FYN: variants seen among roughly 807,000 people sequenced by gnomAD.
The protein encoded by FYN is tyrosine-protein kinase Fyn.
In FYN, 10 loss-of-function variants were observed where a neutral mutation model predicts 70.2. That is an observed-to-expected ratio of 0.14 (90% confidence interval 0.09 to 0.24). The LOEUF (loss-of-function observed/expected upper bound fraction) is 0.24. FYN is among the 10% of genes least tolerant of loss of function. The pLI is 1.00. For missense variants in FYN, 319 were observed against 673.1 expected, an observed-to-expected ratio of 0.47 and a Z score of 5.82; for synonymous variants, 236 against 248.6, an observed-to-expected ratio of 0.95 and a Z score of 0.48.
intron 9 of FYN, among the ~76,000 whole-genome samples, chr6:111,698,603 T>C (rs1799683627): frequency 1.3e-5 from 2 of 152,292 alleles, no homozygotes; most frequent in South Asian, 4.1e-4. Context: ...CCTAAACCCA[T>C]GAATTGTTTC....
chr6:111,737,530 G>A (rs553701513), intron 3 of FYN, among the ~76,000 whole-genome samples: 6 of 152,350 alleles, frequency 3.9e-5, no homozygotes, highest in African/African-American at 1.2e-4. Context: ...GGTGAGGTAT[G>A]AAGGAAAGGG....
At chr6:111,746,071 C>T (rs547471399) in intron 3 of FYN, among the ~76,000 whole-genome samples, 22 of 152,310 alleles carry the variant, frequency 1.4e-4, no homozygotes, top group South Asian at 2.1e-4. Context: ...TACCTGGTAG[C>T]TGTCTTTCAA....
intron 2 of FYN, among the ~76,000 whole-genome samples, chr6:111,840,514 G>A (rs549716616): frequency 5.5e-4 from 84 of 152,290 alleles, no homozygotes; most frequent in Non-Finnish European, 9.3e-4. Flanking sequence ...TTGGACTTCT[G>A]ACCTCTTAAA....
At chr6:111,800,553 C>T (rs370613045) in intron 2 of FYN, among the ~76,000 whole-genome samples, 9 of 152,186 alleles carry the variant, frequency 5.9e-5, no homozygotes, top group African/African-American at 9.7e-5. Context: ...AAAACGGGAA[C>T]GACTGCAACC....
At chr6:111,680,372 G>T (rs1335169434) in intron 12 of FYN, among the ~76,000 whole-genome samples, 2 of 152,200 alleles carry the variant, frequency 1.3e-5, no homozygotes, top group Non-Finnish European at 2.9e-5. Flanking sequence ...CTACAATAAA[G>T]TGCTATGAAG....
At chr6:111,836,705 T>C (rs1773199130) in intron 2 of FYN, among the ~76,000 whole-genome samples, 1 of 152,166 alleles carries the variant, frequency 6.6e-6, no homozygotes, top group Admixed American at 6.5e-5. Context: ...GAGGCTGCAG[T>C]GAACCGTGAC....
intron 3 of FYN, among the ~76,000 whole-genome samples, chr6:111,740,224 C>T (rs1801899214): frequency 6.6e-6 from 1 of 152,236 alleles, no homozygotes; most frequent in Non-Finnish European, 1.5e-5. Context: ...ATGAATCCTA[C>T]TCTTGGTCAA....
chr6:111,836,041 C>A (rs1211961015), intron 2 of FYN, among the ~76,000 whole-genome samples: 1 of 152,180 alleles, frequency 6.6e-6, no homozygotes, highest in Non-Finnish European at 1.5e-5. Context: ...TGGATACCCT[C>A]CATGCAGGAT....
intron 12 of FYN, among the ~76,000 whole-genome samples, chr6:111,682,055 T>C (rs1798803520): frequency 6.6e-6 from 1 of 152,236 alleles, no homozygotes; most frequent in Non-Finnish European, 1.5e-5. Flanking sequence ...GAGACACATA[T>C]TTCTTCATAG....
chr6:111,776,326 G>A, intron 3 of FYN, among the ~76,000 whole-genome samples: 1 of 152,122 alleles, frequency 6.6e-6, no homozygotes, highest in East Asian at 1.9e-4. Context: ...TTTTCCCACA[G>A]ATACTTACAT....
intron 2 of FYN, among the ~76,000 whole-genome samples, chr6:111,841,787 T>C (rs1238241864): frequency 6.6e-6 from 1 of 152,148 alleles, no homozygotes; most frequent in Non-Finnish European, 1.5e-5. Flanking sequence ...GATTTTTTTT[T>C]TTTTTTGGAA....
intron 3 of FYN, among the ~76,000 whole-genome samples, chr6:111,726,821 C>T (rs1315355757): frequency 1.3e-5 from 2 of 152,138 alleles, no homozygotes; most frequent in East Asian, 1.9e-4. Flanking sequence ...GGGGCAGTTC[C>T]CTCATGCTGT....
Position 111,692,164 on chromosome 6 carries a change from G to C in FYN, c.1273+2211C>G, listed in dbSNP as rs938496863. ...CTTACTTCTCTCTTTCTAGTGTTTG[G>C]CATGGATTTGAAGGTGTTTGGGAAA... On this transcript the variant is annotated intron_variant, in intron 12 of 13. Transcript: ENST00000354650. 7.3e-5 allele frequency among the ~76,000 whole-genome samples: 11 copies of C among 150,722 alleles called. No individual in the cohort carries two copies. The Admixed American group carries it at 7.3e-4, about 10-fold the overall frequency.
At chr6:111,692,171 T>G (rs753515633) in intron 12 of FYN, among the ~76,000 whole-genome samples, 1 of 147,416 alleles carries the variant, frequency 6.8e-6, no homozygotes, top group African/African-American at 2.5e-5. Flanking sequence ...TTGGCATGGA[T>G]TTGAAGGTGT....
At chr6:111,764,498 CAGCA>C (rs1803149344) in intron 3 of FYN, among the ~76,000 whole-genome samples, 1 of 152,214 alleles carries the variant, frequency 6.6e-6, no homozygotes, top group African/African-American at 2.4e-5. Flanking sequence ...CCACACTTTC[CAGCA>C]TATTAATTGT....
chr6:111,783,165 G>A (rs891746624), intron 2 of FYN, among the ~76,000 whole-genome samples: 1 of 152,178 alleles, frequency 6.6e-6, no homozygotes, highest in African/African-American at 2.4e-5. Context: ...TAACAGAACA[G>A]TTCTTCCTTT....
chr6:111,725,866 C>T (rs1232404458), intron 3 of FYN, among the ~76,000 whole-genome samples: 3 of 152,200 alleles, frequency 2.0e-5, no homozygotes. Flanking sequence ...GTCACTCCAT[C>T]ATCGGGTTGT....
chr6:111,861,674 T>C lies in FYN; in HGVS notation c.-123+11294A>G, dbSNP rs560700851. ...GGAGAGGACTAGGCAGGGGAAGCCA[T>C]TAACGAGGAATCACAGCGAGCTCTC... On this transcript the variant is annotated intron_variant, in intron 1 of 13. Coordinates refer to ENST00000354650, the MANE Select transcript of FYN (RefSeq NM_002037.5). 3.3e-5 allele frequency among the ~76,000 whole-genome samples: 5 copies of C among 152,280 alleles called. No individual in the cohort carries two copies. The South Asian group carries it at 1.0e-3, about 32-fold the overall frequency.
intron 4 of FYN, 158 bp from the exon 5 acceptor site, chr6:111,714,601 A>C: frequency 1.6e-6 from 1 of 631,608 alleles, no homozygotes; most frequent in Non-Finnish European, 2.8e-6. Flanking sequence ...AACCACAGTC[A>C]CAGGGCTGTG....
Sources: allele counts gnomAD v4.1 joint callset (sites outside exome capture counted in the v4.1 genomes callset), GRCh38; gene constraint gnomAD v4.1.1; transcripts MANE v1.5; gene names NCBI Gene and HGNC (gene_info 2026-07-23, HGNC 2026-07-21).